The following KIRREL1 variants were observed in gnomAD, a reference collection of about 807,000 sequenced individuals.
KIRREL1 encodes kin of IRRE-like protein 1.
KIRREL1 carries 25 observed loss-of-function variants against 83.3 expected under a neutral mutation model. The ratio of observed to expected loss-of-function variants is 0.30; its 90% CI spans 0.22 to 0.42. KIRREL1 has a LOEUF of 0.42. Among genes scored for constraint, KIRREL1 ranks in the 10% least tolerant of loss-of-function variants. The pLI is 1.00. For synonymous variants in KIRREL1, 388 were observed against 410.4 expected (o/e 0.95, Z 0.66); for missense variants, 812 against 1,032.3 (o/e 0.79, Z 2.92).
rs753242444 is a variant in KIRREL1, at chr1:158,094,810, G to A, written c.1964G>A (p.Arg655Gln). The change falls in exon 15 of 15, where the codon CGG (arginine) becomes CAG (glutamine). Residue 655 changes from arginine (R) to glutamine (Q), a missense_variant. Arg to Gln is a conservative substitution (Grantham distance 43). Transcript: ENST00000359209. This position sits in a 1 kb window ranked among gnomAD's most constrained non-coding sequence, Gnocchi z 4.6. Reference sequence around the variant, plus strand: ...TATGCCCAGCTCAACACCTATAGCCGGGGCCCTGCCTCTGACTATGGCCCT... The same window carrying A: ...TATGCCCAGCTCAACACCTATAGCCAGGGCCCTGCCTCTGACTATGGCCCT... ...SGYAQLNTYS[R>Q]GPASDYGPEP... 32 of 1,613,814 alleles carry A rather than the reference G, an allele frequency of 2.0e-5. No individual in the cohort carries two copies. The highest frequency in any genetic ancestry group is 5.5e-5 in the South Asian group (5 of 91,082).
intron 1 of KIRREL1, among the ~76,000 whole-genome samples, chr1:157,997,655 A>G (rs1015741508): frequency 6.6e-6 from 1 of 152,206 alleles, no homozygotes; most frequent in Non-Finnish European, 1.5e-5. Context: ...GAGAGAGAGC[A>G]AAAGTGGAAG....
At chr1:157,994,932 T>C (rs1270151150) in intron 1 of KIRREL1, among the ~76,000 whole-genome samples, 2 of 152,122 alleles carry the variant, frequency 1.3e-5, no homozygotes, top group Admixed American at 1.3e-4. Flanking sequence ...ACACAGTACA[T>C]GTATGCAGGC....
At chr1:158,022,827 C>T (rs1316026099) in intron 1 of KIRREL1, among the ~76,000 whole-genome samples, 3 of 152,202 alleles carry the variant, frequency 2.0e-5, no homozygotes, top group African/African-American at 7.2e-5. Context: ...GCTAAAGTGC[C>T]AGCGCCCTAG....
chr1:158,040,960 G>T (rs1275195013), intron 1 of KIRREL1, among the ~76,000 whole-genome samples: 1 of 152,116 alleles, frequency 6.6e-6, no homozygotes, highest in East Asian at 1.9e-4. Flanking sequence ...AACTCTAGGG[G>T]TAGGGGGAGC....
chr1:158,070,764 G>A (rs1661489059), intron 1 of KIRREL1, among the ~76,000 whole-genome samples: 1 of 152,080 alleles, frequency 6.6e-6, no homozygotes, highest in African/African-American at 2.4e-5. Context: ...CAGAGAGGAT[G>A]CTGGTGGGCG....
chr1:158,062,071 C>T (rs1382735274), intron 1 of KIRREL1, among the ~76,000 whole-genome samples: 2 of 152,158 alleles, frequency 1.3e-5, no homozygotes, highest in African/African-American at 2.4e-5. Context: ...TCTCCATGTG[C>T]CCACACCACA....
At chr1:158,061,907 G>T (rs73022673) in intron 1 of KIRREL1, among the ~76,000 whole-genome samples, 1 of 152,248 alleles carries the variant, frequency 6.6e-6, no homozygotes, top group African/African-American at 2.4e-5. Flanking sequence ...GCTAGGAGAT[G>T]GTGGAGTGGC....
intron 1 of KIRREL1, among the ~76,000 whole-genome samples, chr1:158,003,256 C>CA (rs1251981352): frequency 6.6e-6 from 1 of 152,064 alleles, no homozygotes. Flanking sequence ...GCAGGCAGGG[C>CA]AGAGGAGGAG....
At chr1:158,039,382 A>C (rs935848388) in intron 1 of KIRREL1, among the ~76,000 whole-genome samples, 2 of 152,164 alleles carry the variant, frequency 1.3e-5, no homozygotes, top group South Asian at 4.1e-4. Flanking sequence ...GATGCATGGC[A>C]TGTGCTGTTT....
At chr1:158,046,494 G>A (rs532479977) in intron 1 of KIRREL1, among the ~76,000 whole-genome samples, 4 of 152,214 alleles carry the variant, frequency 2.6e-5, no homozygotes, top group African/African-American at 4.8e-5. Context: ...GTCTGAGCTG[G>A]GATAGAACAT....
chr1:158,083,716 G>A (rs1001373706), intron 3 of KIRREL1, among the ~76,000 whole-genome samples: 3 of 152,154 alleles, frequency 2.0e-5, no homozygotes, highest in Non-Finnish European at 2.9e-5. Context: ...TGCTATGGAG[G>A]TAGCCACCTT....
intron 1 of KIRREL1, among the ~76,000 whole-genome samples, chr1:158,034,708 G>A (rs1014894857): frequency 6.6e-6 from 1 of 152,122 alleles, no homozygotes; most frequent in East Asian, 1.9e-4. Flanking sequence ...AAAACATAAG[G>A]GATTGTTATT....
chr1:158,060,018 A>T (rs1287350765), intron 1 of KIRREL1, among the ~76,000 whole-genome samples: 1 of 152,090 alleles, frequency 6.6e-6, no homozygotes, highest in Non-Finnish European at 1.5e-5. Context: ...TTTCTGTGAA[A>T]GTTCCTTCCT....
Position 158,096,973 on chromosome 1 carries a change from C to T in KIRREL1, c.*1853C>T, listed in dbSNP as rs1289660858. On this transcript the variant is annotated 3_prime_UTR_variant, in exon 15 of 15. Coordinates refer to ENST00000359209, the MANE Select transcript of KIRREL1 (RefSeq NM_018240.7). The stretch of plus-strand genomic sequence containing the variant: ...CCTTATGGATGGGTCTGGGGGGCGA[C>T]ATTCCTGGCCAACCCCTTGTAGGAA... 8.8e-6 allele frequency: 4 copies of T among 456,756 alleles called. No homozygotes were observed. Among genetic ancestry groups the T allele is most frequent in the African/African-American group, 8.0e-5 (4 of 50,106 alleles). 28.3% of individuals were successfully genotyped at this position (456,756 alleles called of 1,614,324 possible).
intron 1 of KIRREL1, among the ~76,000 whole-genome samples, chr1:158,070,741 T>TCTGAGA (rs1661488543): frequency 6.6e-6 from 1 of 152,134 alleles, no homozygotes; most frequent in Non-Finnish European, 1.5e-5. Flanking sequence ...AGGACGGATG[T>TCTGAGA]CTGAGAGAGA....
At chr1:158,069,735 G>A (rs1319720956) in intron 1 of KIRREL1, among the ~76,000 whole-genome samples, 2 of 152,158 alleles carry the variant, frequency 1.3e-5, no homozygotes, top group Admixed American at 6.5e-5. Context: ...GCTCCTTGCT[G>A]TGCTCTCTGT....
chr1:158,095,215 C>G lies in KIRREL1; in HGVS notation c.*95C>G. 1.1e-6 allele frequency: 1 copy of G among 911,930 alleles called. No individual in the cohort carries two copies. The highest frequency in any genetic ancestry group is 1.6e-6 in the Non-Finnish European group (1 of 614,562). 56.5% of individuals were successfully genotyped at this position (911,930 alleles called of 1,614,324 possible). A position where few individuals can be genotyped will look rare whatever the true frequency, so the allele number is the denominator to read the frequency against. On this transcript the variant is annotated 3_prime_UTR_variant, in exon 15 of 15. Transcript: ENST00000359209. ...CAGGGGCATTGCTCATTGCTCCCTT[C>G]TCGGACCAGCCTTCTTCCTCCCACC...
At chr1:158,091,653 C>A in intron 11 of KIRREL1, 97 bp downstream of exon 11, 1 of 1,184,788 alleles carries the variant, frequency 8.4e-7, no homozygotes, top group Non-Finnish European at 1.2e-6. Context: ...CTCCCCTTCC[C>A]TTGGGCTCTG....
At chr1:158,054,305 G>A (rs1036916951) in intron 1 of KIRREL1, among the ~76,000 whole-genome samples, 1 of 151,470 alleles carries the variant, frequency 6.6e-6, no homozygotes, top group South Asian at 2.1e-4. Flanking sequence ...CCAAAGGGGA[G>A]GCTGCTTAAC....
Sources: gnomAD v4.1 joint callset for allele counts (sites outside exome capture counted in the v4.1 genomes callset) on GRCh38, gnomAD v4.1.1 for gene constraint, Gnocchi (gnomAD v3.1) non-coding constraint, MANE v1.5 for transcripts, NCBI Gene and HGNC (gene_info 2026-07-23, HGNC 2026-07-21) for gene names.